Variants in HEPH observed in about 807,000 individuals in gnomAD.
HEPH encodes the protein hephaestin.
In HEPH, 69 loss-of-function variants were observed where a neutral mutation model predicts 80.8. The ratio of observed to expected loss-of-function variants is 0.85; its 90% CI spans 0.70 to 1.04. The LOEUF (loss-of-function observed/expected upper bound fraction) is 1.04. Ranked by LOEUF, HEPH falls within the 50% of genes least tolerant of loss-of-function variation. The probability of loss-of-function intolerance (pLI) is 0.00; values close to 1 mark genes in which losing one functional copy is unlikely to be tolerated. For missense variants in HEPH, 1,115 were observed against 891.3 expected (o/e 1.25, Z -3.20); for synonymous variants, 431 against 322.8 (o/e 1.34, Z -3.60).
chrX:66,180,638 T>A (rs1460838812), intron 4 of HEPH, among the ~76,000 whole-genome samples: 1 of 88,989 alleles, frequency 1.1e-5, no homozygotes, highest in Admixed American at 1.1e-4. Flanking sequence ...TTTTTTTTTT[T>A]TTCACAGCTG....
chrX:66,257,652 G>T (rs1029396940), intron 17 of HEPH, among the ~76,000 whole-genome samples: 3 of 112,222 alleles, frequency 2.7e-5, no homozygotes, highest in African/African-American at 9.7e-5. Flanking sequence ...ATACCCCACA[G>T]TGAAATAATG....
intron 15 of HEPH, among the ~76,000 whole-genome samples, chrX:66,221,201 C>T (rs942474019): frequency 1.3e-4 from 15 of 111,436 alleles, no homozygotes; most frequent in Admixed American, 8.6e-4. Flanking sequence ...TGCTCCTGTC[C>T]GCGTACCACT....
At chrX:66,203,030 C>A (rs1434306556) in intron 12 of HEPH, among the ~76,000 whole-genome samples, 1 of 105,991 alleles carries the variant, frequency 9.4e-6, no homozygotes, top group Non-Finnish European at 1.9e-5. Flanking sequence ...CCAACCATGG[C>A]AGTTTGCCTA....
At chrX:66,176,603 C>T (rs1289482053) in intron 4 of HEPH, among the ~76,000 whole-genome samples, 1 of 111,346 alleles carries the variant, frequency 9.0e-6, no homozygotes, top group East Asian at 2.8e-4. Context: ...CACCCATTAC[C>T]TCATCATTTA....
chrX:66,239,875 T>C (rs1244257111), intron 15 of HEPH, among the ~76,000 whole-genome samples: 1 of 112,096 alleles, frequency 8.9e-6, no homozygotes, highest in Non-Finnish European at 1.9e-5. Context: ...TGTCCCTTTG[T>C]TGTCAAGCCC....
chrX:66,238,708 C>T (rs1326633024), intron 15 of HEPH, among the ~76,000 whole-genome samples: 1 of 111,582 alleles, frequency 9.0e-6, no homozygotes, highest in Admixed American at 9.5e-5. Context: ...CTTGGAGAAA[C>T]TGATGACACA....
At chrX:66,242,911 G>T (rs142368750) in intron 15 of HEPH, among the ~76,000 whole-genome samples, 160 of 112,059 alleles carry the variant, frequency 1.4e-3, no homozygotes, top group African/African-American at 4.9e-3. Context: ...TACACTGCTG[G>T]CAGAAATGTA....
chrX:66,220,491 A>G (rs1440517614), intron 15 of HEPH, among the ~76,000 whole-genome samples: 2 of 111,437 alleles, frequency 1.8e-5, no homozygotes, highest in Non-Finnish European at 3.8e-5. Flanking sequence ...TGGTACAGGA[A>G]GGGCCACTTT....
At chrX:66,191,761 G>A (rs934952235) in intron 6 of HEPH, among the ~76,000 whole-genome samples, 1 of 111,901 alleles carries the variant, frequency 8.9e-6, no homozygotes, top group Non-Finnish European at 1.9e-5. Flanking sequence ...AAAGAGGGAA[G>A]CTCAGATTGA....
At chrX:66,187,851 G>T (rs1008734421) in intron 4 of HEPH, among the ~76,000 whole-genome samples, 26 of 111,698 alleles carry the variant, frequency 2.3e-4, no homozygotes, top group African/African-American at 8.5e-4. Flanking sequence ...TAAAATTATT[G>T]TTATTAAAAA....
chrX:66,251,357 A>G (rs1255836825), intron 15 of HEPH, among the ~76,000 whole-genome samples: 1 of 112,377 alleles, frequency 8.9e-6, no homozygotes, highest in Non-Finnish European at 1.9e-5. Context: ...CATCCTTGCC[A>G]GCATTTGGTG....
intron 15 of HEPH, among the ~76,000 whole-genome samples, chrX:66,215,415 T>G (rs1264216): frequency 0.29 from 31,796 of 110,099 alleles, 4,247 homozygotes; most frequent in African/African-American, 0.51. Flanking sequence ...CCAATACTAG[T>G]GATGGTAGTG....
At chrX:66,226,034 G>C (rs2147968102) in intron 15 of HEPH, among the ~76,000 whole-genome samples, 1 of 111,423 alleles carries the variant, frequency 9.0e-6, no homozygotes, top group South Asian at 3.8e-4. Context: ...TGAGAAAGCA[G>C]GGGGTATGTG....
At chrX:66,197,023 C>A (rs1027755919) in intron 9 of HEPH, among the ~76,000 whole-genome samples, 1 of 109,522 alleles carries the variant, frequency 9.1e-6, no homozygotes, top group African/African-American at 3.3e-5. Context: ...TGCATTATTA[C>A]AATTTGTAAA....
chrX:66,268,516 A>G (rs2091586854), downstream of HEPH: 6 of 112,022 alleles, frequency 5.4e-5, no homozygotes, highest in Admixed American at 1.9e-4. Context: ...TAACAGCAGC[A>G]GAACTGTTTT....
chrX:66,241,375 C>T (rs1433261288), intron 15 of HEPH, among the ~76,000 whole-genome samples: 1 of 111,400 alleles, frequency 9.0e-6, no homozygotes, highest in Non-Finnish European at 1.9e-5. Flanking sequence ...AACTCACATG[C>T]AATGACACCC....
chrX:66,268,498 C>T (rs1184998310), downstream of HEPH: 1 of 111,762 alleles, frequency 8.9e-6, no homozygotes, highest in East Asian at 2.8e-4. Context: ...ATTGCAGAAT[C>T]AATGATTTAA....
intron 9 of HEPH, among the ~76,000 whole-genome samples, chrX:66,196,263 A>G (rs1602293196): frequency 8.9e-6 from 1 of 111,782 alleles, no homozygotes; most frequent in East Asian, 2.8e-4. Context: ...ACAAAAGCAA[A>G]CAAACAAAAA....
At chrX:66,202,496 G>A (rs2088514924) in intron 12 of HEPH, among the ~76,000 whole-genome samples, 1 of 111,476 alleles carries the variant, frequency 9.0e-6, no homozygotes. Context: ...TTAGAAATTT[G>A]GAGCTTAAGA....
Sources: gnomAD v4.1 joint callset for allele counts (sites outside exome capture counted in the v4.1 genomes callset) on GRCh38, gnomAD v4.1.1 for gene constraint, MANE v1.5 for transcripts, NCBI Gene and HGNC (gene_info 2026-07-23, HGNC 2026-07-21) for gene names.